Variants in SLC24A2 observed in about 807,000 individuals in gnomAD.
SLC24A2 encodes the protein sodium/potassium/calcium exchanger 2.
A neutral mutation model predicts 62.0 loss-of-function variants in SLC24A2; 36 were observed. The ratio of observed to expected loss-of-function variants is 0.58; its 90% CI spans 0.44 to 0.77. SLC24A2 has a LOEUF of 0.77. Ranked by LOEUF, SLC24A2 falls within the 30% of genes least tolerant of loss-of-function variation. SLC24A2 has a pLI of 0.00. For missense variants in SLC24A2, 846 were observed against 817.9 expected, an observed-to-expected ratio of 1.03 and a Z score of -0.42; for synonymous variants, 358 against 294.0, an observed-to-expected ratio of 1.22 and a Z score of -2.23.
At chr9:19,969,295 C>T in the SLC24A2 span, among the ~76,000 whole-genome samples, 1 of 151,272 alleles carries the variant, frequency 6.6e-6, no homozygotes, top group South Asian at 2.1e-4. Flanking sequence ...TCACAGCCTC[C>T]ACTCCCTCCC....
chr9:20,044,415 C>T, the SLC24A2 span, among the ~76,000 whole-genome samples: 4 of 152,122 alleles, frequency 2.6e-5, no homozygotes, highest in Non-Finnish European at 4.4e-5. Context: ...AGCACAGGAT[C>T]CCCGAACCAC....
the SLC24A2 span, among the ~76,000 whole-genome samples, chr9:20,124,555 C>A: frequency 6.6e-6 from 1 of 152,150 alleles, no homozygotes; most frequent in African/African-American, 2.4e-5. Context: ...CTGCTGACAT[C>A]TTTCTGTTCC....
chr9:20,190,826 AT>A, the SLC24A2 span, among the ~76,000 whole-genome samples: 1 of 152,238 alleles, frequency 6.6e-6, no homozygotes, highest in South Asian at 2.1e-4. Flanking sequence ...GAGTGTTTTC[AT>A]CTTTAAAAAG....
chr9:20,289,391 C>T, the SLC24A2 span, among the ~76,000 whole-genome samples: 1 of 152,166 alleles, frequency 6.6e-6, no homozygotes, highest in African/African-American at 2.4e-5. Context: ...TGTCCACAGT[C>T]ATACCTTCTT....
At chr9:19,847,547 G>A in the SLC24A2 span, among the ~76,000 whole-genome samples, 1 of 151,932 alleles carries the variant, frequency 6.6e-6, no homozygotes. Flanking sequence ...GGGTTTGTAA[G>A]GTAATTTGTC....
At chr9:19,720,837 ATG>A (rs10692458) in intron 2 of SLC24A2, among the ~76,000 whole-genome samples, 20,194 of 140,068 alleles carry the variant, frequency 0.14, 1,375 homozygotes, top group East Asian at 0.22. Flanking sequence ...ATGTGGAATG[ATG>A]TGTGTGTGTG....
chr9:20,263,872 C>CG, the SLC24A2 span, among the ~76,000 whole-genome samples: 2 of 124,062 alleles, frequency 1.6e-5, 1 homozygote, highest in South Asian at 7.9e-4. Flanking sequence ...CCCCCCCCCC[C>CG]CCATTAAGGC....
chr9:19,966,593 G>C, the SLC24A2 span, among the ~76,000 whole-genome samples: 1 of 152,056 alleles, frequency 6.6e-6, no homozygotes, highest in Non-Finnish European at 1.5e-5. Context: ...AGGGCAGTTG[G>C]GCTTAATCTG....
intron 2 of SLC24A2, among the ~76,000 whole-genome samples, chr9:19,753,458 T>C (rs945203576): frequency 6.6e-6 from 1 of 152,226 alleles, no homozygotes. Flanking sequence ...AAATAGTTTG[T>C]TCATTTTCAT....
At chr9:20,229,853 A>C in the SLC24A2 span, among the ~76,000 whole-genome samples, 48 of 151,656 alleles carry the variant, frequency 3.2e-4, no homozygotes, top group Non-Finnish European at 6.9e-4. Context: ...ATTTAGCATT[A>C]GGTATATGTC....
At chr9:20,100,465 C>T in the SLC24A2 span, among the ~76,000 whole-genome samples, 1 of 152,162 alleles carries the variant, frequency 6.6e-6, no homozygotes, top group African/African-American at 2.4e-5. Flanking sequence ...CTATATACAT[C>T]TGAACCCAGG....
the SLC24A2 span, among the ~76,000 whole-genome samples, chr9:20,032,800 A>G: frequency 6.6e-6 from 1 of 152,154 alleles, no homozygotes; most frequent in Non-Finnish European, 1.5e-5. Context: ...GACCCAACCC[A>G]GGGAGGAGTG....
chr9:19,772,524 A>G (rs1822720859), intron 2 of SLC24A2, among the ~76,000 whole-genome samples: 1 of 152,216 alleles, frequency 6.6e-6, no homozygotes, highest in Admixed American at 6.5e-5. Flanking sequence ...AAACTCAATA[A>G]TAAGGCAAAT....
At chr9:19,996,754 A>G in the SLC24A2 span, among the ~76,000 whole-genome samples, 1 of 151,618 alleles carries the variant, frequency 6.6e-6, no homozygotes, top group African/African-American at 2.4e-5. Context: ...TCAAAAAAAA[A>G]AAAAAAAAAA....
In SLC24A2 at chr9:19,510,425, T is replaced by TA. The variant is rs765200110; in HGVS notation, c.*5727dup. ...AGAGTGAAGAGTGCCCAGATGCAGT[T>TA]ACTTTTTGCCAAAAAAAAAAAAAAA... On this transcript the variant is annotated 3_prime_UTR_variant, in exon 11 of 11. Transcript: ENST00000341998. 1.6e-4 allele frequency: 21 copies of TA among 129,902 alleles called. No individual in the cohort carries two copies. Among genetic ancestry groups the TA allele is most frequent in the Non-Finnish European group, 2.3e-4 (15 of 63,836 alleles). 8.0% of individuals were successfully genotyped at this position (129,902 alleles called of 1,614,324 possible).
chr9:19,891,794 C>T, the SLC24A2 span, among the ~76,000 whole-genome samples: 1 of 152,116 alleles, frequency 6.6e-6, no homozygotes, highest in African/African-American at 2.4e-5. Context: ...CTTGAGAGAG[C>T]TGAACTAAGA....
chr9:20,233,882 G>A, the SLC24A2 span, among the ~76,000 whole-genome samples: 1 of 152,188 alleles, frequency 6.6e-6, no homozygotes, highest in African/African-American at 2.4e-5. Flanking sequence ...CCCTTTCCAT[G>A]TTTAATGCTT....
At chr9:19,780,050 G>A (rs1481171072) in intron 2 of SLC24A2, among the ~76,000 whole-genome samples, 4 of 152,056 alleles carry the variant, frequency 2.6e-5, no homozygotes, top group African/African-American at 9.7e-5. Flanking sequence ...GCGACAGAGC[G>A]AGACTCCGTC....
the SLC24A2 span, among the ~76,000 whole-genome samples, chr9:20,230,974 C>A: frequency 6.6e-6 from 1 of 152,118 alleles, no homozygotes; most frequent in Non-Finnish European, 1.5e-5. Context: ...TTCCCAGCAC[C>A]ATTTATTAAA....
Sources: allele counts gnomAD v4.1 joint callset (sites outside exome capture counted in the v4.1 genomes callset), GRCh38; gene constraint gnomAD v4.1.1; transcripts MANE v1.5; gene names NCBI Gene and HGNC (gene_info 2026-07-23, HGNC 2026-07-21).